DAB1: variants seen among roughly 807,000 people sequenced by gnomAD.
DAB1 encodes DAB adaptor protein 1.
In DAB1, 15 loss-of-function variants were observed where a neutral mutation model predicts 64.6. That is an observed-to-expected ratio of 0.23 (90% CI 0.16 to 0.36). The LOEUF is 0.36. Ranked by LOEUF, DAB1 falls within the 10% of genes least tolerant of loss-of-function variation. The probability of loss-of-function intolerance (pLI) is 1.00; values close to 1 mark genes in which losing one functional copy is unlikely to be tolerated. For missense variants in DAB1, 596 were observed against 706.7 expected, an observed-to-expected ratio of 0.84 and a Z score of 1.78; for synonymous variants, 235 against 251.9, an observed-to-expected ratio of 0.93 and a Z score of 0.64.
chr1:58,031,393 T>C (rs1451920132), intron 5 of DAB1, among the ~76,000 whole-genome samples: 1 of 152,166 alleles, frequency 6.6e-6, no homozygotes, highest in Admixed American at 6.5e-5. Context: ...CAGAGAAATC[T>C]TTAAGAAGAT....
At chr1:57,193,381 GTTT>G (rs999329119) in intron 2 of DAB1, among the ~76,000 whole-genome samples, 5 of 83,056 alleles carry the variant, frequency 6.0e-5, no homozygotes, top group Non-Finnish European at 8.6e-5. Flanking sequence ...CGTAGCATAT[GTTT>G]TTTTTTTTTT....
At chr1:57,234,977 C>T (rs1667985372) in intron 2 of DAB1, among the ~76,000 whole-genome samples, 1 of 152,188 alleles carries the variant, frequency 6.6e-6, no homozygotes, top group African/African-American at 2.4e-5. Context: ...AGAGACATTT[C>T]TGCTTTGAAG....
chr1:57,606,611 AAT>A (rs1182053190), intron 7 of DAB1, among the ~76,000 whole-genome samples: 2 of 118,066 alleles, frequency 1.7e-5, no homozygotes, highest in African/African-American at 6.8e-5. Flanking sequence ...ATATATATGA[AAT>A]ATATAATATA....
chr1:57,133,191 G>A (rs950824246), intron 4 of DAB1, among the ~76,000 whole-genome samples: 12 of 152,136 alleles, frequency 7.9e-5, no homozygotes, highest in South Asian at 2.1e-4. Flanking sequence ...AGGATGTTGC[G>A]ACATCTTGAA....
chr1:57,023,518 G>A lies in DAB1; in HGVS notation c.895+13C>T, dbSNP rs368704771. The A allele has an allele frequency of 1.3e-6, 2 of 1,503,042 alleles. No homozygotes were observed. The highest frequency in any genetic ancestry group is 1.2e-5 in the South Asian group (1 of 85,532). The allele number at this position is 1,503,042 out of a possible 1,614,324, so 93.1% of individuals were successfully genotyped here. On this transcript the variant is annotated intron_variant, in intron 11 of 14. Coordinates refer to ENST00000371236, the MANE Select transcript of DAB1 (RefSeq NM_001365792.1). ...AAGGCCAAAGGAAGGGAAGCTGGTG[G>A]AAGAGGGCTTACCTGAGGGTACAGC...
At chr1:57,906,500 G>A (rs901812663) in intron 5 of DAB1, among the ~76,000 whole-genome samples, 1 of 152,158 alleles carries the variant, frequency 6.6e-6, no homozygotes, top group Admixed American at 6.5e-5. Flanking sequence ...GTGTGGTCAT[G>A]AGATACAATC....
chr1:57,419,582 C>A (rs1433387371), intron 1 of DAB1, among the ~76,000 whole-genome samples: 4 of 151,454 alleles, frequency 2.6e-5, no homozygotes, highest in African/African-American at 9.7e-5. Flanking sequence ...ACATAACTCT[C>A]AGAATATCAA....
intron 1 of DAB1, among the ~76,000 whole-genome samples, chr1:57,294,895 T>C (rs1033039582): frequency 1.3e-5 from 2 of 152,112 alleles, no homozygotes; most frequent in African/African-American, 2.4e-5. Context: ...TATTACTCAA[T>C]TGTATAAAGG....
At chr1:57,053,224 C>G (rs756329722) in intron 9 of DAB1, among the ~76,000 whole-genome samples, 2 of 152,086 alleles carry the variant, frequency 1.3e-5, no homozygotes, top group African/African-American at 4.8e-5. Flanking sequence ...CTTTCAATTT[C>G]GGAATCCATG....
At chr1:57,744,009 C>A (rs191046777) in intron 6 of DAB1, among the ~76,000 whole-genome samples, 1 of 152,212 alleles carries the variant, frequency 6.6e-6, no homozygotes, top group African/African-American at 2.4e-5. Flanking sequence ...CCGCCCTGGG[C>A]GGGCCAGGTG....
intron 5 of DAB1, among the ~76,000 whole-genome samples, chr1:57,983,050 T>C (rs1328166076): frequency 6.6e-6 from 1 of 152,200 alleles, no homozygotes; most frequent in Non-Finnish European, 1.5e-5. Context: ...CAATTCCTGC[T>C]CTTACAGTGT....
At chr1:57,504,453 T>G (rs1219131450) in intron 7 of DAB1, among the ~76,000 whole-genome samples, 1 of 152,098 alleles carries the variant, frequency 6.6e-6, no homozygotes, top group Admixed American at 6.5e-5. Context: ...CAGTGGTAAA[T>G]ATTGCAACAA....
At chr1:58,157,638 G>A (rs1477709650) in intron 4 of DAB1, among the ~76,000 whole-genome samples, 1 of 152,176 alleles carries the variant, frequency 6.6e-6, no homozygotes, top group Non-Finnish European at 1.5e-5. Context: ...ATGACTTGTG[G>A]TGGAGGGCAG....
intron 5 of DAB1, among the ~76,000 whole-genome samples, chr1:58,121,565 C>A (rs1652738245): frequency 1.3e-5 from 2 of 152,108 alleles, no homozygotes; most frequent in Admixed American, 6.6e-5. Context: ...GAATACACCC[C>A]TCACTCTTTC....
chr1:58,076,366 C>T (rs4912298), intron 5 of DAB1, among the ~76,000 whole-genome samples: 2,627 of 152,228 alleles, frequency 0.017, 83 homozygotes, highest in South Asian at 0.1. Flanking sequence ...AGTTTTTGCA[C>T]TTCACCCAAG....
chr1:58,025,675 A>G (rs929498444), intron 5 of DAB1, among the ~76,000 whole-genome samples: 1 of 143,602 alleles, frequency 7.0e-6, no homozygotes, highest in African/African-American at 2.6e-5. Context: ...ATATATATAT[A>G]TATATATATA....
chr1:57,770,775 AT>A (rs1569629721), intron 6 of DAB1, among the ~76,000 whole-genome samples: 1 of 152,264 alleles, frequency 6.6e-6, no homozygotes, highest in East Asian at 1.9e-4. Flanking sequence ...ATAAACAACT[AT>A]TGGCACTTAC....
intron 3 of DAB1, among the ~76,000 whole-genome samples, chr1:58,495,345 A>T (rs999278090): frequency 1.3e-5 from 2 of 152,154 alleles, no homozygotes; most frequent in Non-Finnish European, 2.9e-5. Flanking sequence ...GGTGCAGCAC[A>T]CCAACATGGC....
intron 5 of DAB1, chr1:58,048,842 CA>C: frequency 9.8e-7 from 1 of 1,017,996 alleles, no homozygotes; most frequent in Non-Finnish European, 1.5e-6. Context: ...TCAAAGGTTA[CA>C]AAGGCAAAGC....
Sources: gnomAD v4.1 joint callset for allele counts (sites outside exome capture counted in the v4.1 genomes callset) on GRCh38, gnomAD v4.1.1 for gene constraint, MANE v1.5 for transcripts, NCBI Gene and HGNC (gene_info 2026-07-23, HGNC 2026-07-21) for gene names.